PIBF1: variants seen among roughly 807,000 people sequenced by gnomAD.
PIBF1 encodes progesterone immunomodulatory binding factor 1.
A neutral mutation model predicts 112.5 loss-of-function variants in PIBF1; 90 were observed. The ratio of observed to expected loss-of-function variants is 0.80; its 90% CI spans 0.67 to 0.95. The LOEUF is 0.95. PIBF1 is among the 40% of genes least tolerant of loss of function. The pLI, the probability that PIBF1 is intolerant of heterozygous loss-of-function variation, is 0.00. For missense variants in PIBF1, 915 were observed against 852.3 expected, an observed-to-expected ratio of 1.07 and a Z score of -0.92; for synonymous variants, 301 against 288.6, an observed-to-expected ratio of 1.04 and a Z score of -0.44.
chr13:72,940,112 A>G (rs542757151), intron 14 of PIBF1, among the ~76,000 whole-genome samples: 2 of 152,092 alleles, frequency 1.3e-5, no homozygotes, highest in African/African-American at 2.4e-5. Flanking sequence ...AAATACTTCA[A>G]TCCTCTCACC....
At chr13:72,844,789 A>ACACACACACGCACG (rs1555296221) in intron 9 of PIBF1, among the ~76,000 whole-genome samples, 1 of 119,562 alleles carries the variant, frequency 8.4e-6, no homozygotes, top group African/African-American at 3.8e-5. Context: ...ACACACACAC[A>ACACACACACGCACG]CACACACACA....
At chr13:72,783,834 T>G in intron 2 of PIBF1, 113 bp downstream of exon 2, 1 of 1,032,580 alleles carries the variant, frequency 9.7e-7, no homozygotes, top group Non-Finnish European at 1.4e-6. Flanking sequence ...TTTATATTTC[T>G]TGACAAGTAC....
intron 16 of PIBF1, among the ~76,000 whole-genome samples, chr13:72,979,099 G>C (rs1416539408): frequency 6.6e-6 from 1 of 152,136 alleles, no homozygotes; most frequent in South Asian, 2.1e-4. Context: ...GGAAGTCGAA[G>C]CAGAAAGATA....
chr13:72,939,344 C>G (rs1336236162), intron 14 of PIBF1, among the ~76,000 whole-genome samples: 3 of 152,090 alleles, frequency 2.0e-5, no homozygotes, highest in African/African-American at 4.8e-5. Context: ...GTTCATCACC[C>G]CAGAATAAAA....
intron 11 of PIBF1, among the ~76,000 whole-genome samples, chr13:72,894,332 T>C (rs1283001835): frequency 6.6e-6 from 1 of 152,050 alleles, no homozygotes; most frequent in East Asian, 1.9e-4. Flanking sequence ...TAATATGATA[T>C]GTTTCTATCT....
intron 5 of PIBF1, among the ~76,000 whole-genome samples, chr13:72,819,582 C>G: frequency 6.6e-6 from 1 of 152,082 alleles, no homozygotes; most frequent in East Asian, 1.9e-4. Flanking sequence ...AGTCCTCACT[C>G]TACTACTTAC....
intron 2 of PIBF1, among the ~76,000 whole-genome samples, chr13:72,787,352 G>T: frequency 6.6e-6 from 1 of 152,138 alleles, no homozygotes; most frequent in East Asian, 1.9e-4. Flanking sequence ...TGTTTCTTGT[G>T]AGCAGTGATT....
intron 8 of PIBF1, 68 bp from the exon 9 acceptor site, chr13:72,835,175 T>TG: frequency 8.5e-7 from 1 of 1,178,652 alleles, no homozygotes; most frequent in Non-Finnish European, 1.2e-6. Context: ...ATTAAAATCT[T>TG]ACGTACAGTG....
chr13:72,871,532 C>T (rs1365317348), intron 10 of PIBF1, among the ~76,000 whole-genome samples: 3 of 152,144 alleles, frequency 2.0e-5, no homozygotes, highest in Non-Finnish European at 4.4e-5. Flanking sequence ...TCTTGAACTC[C>T]TGACCTTGTG....
intron 5 of PIBF1, among the ~76,000 whole-genome samples, chr13:72,816,704 A>G (rs1327563533): frequency 6.6e-6 from 1 of 152,048 alleles, no homozygotes; most frequent in Non-Finnish European, 1.5e-5. Context: ...TTTAAAAAAA[A>G]AAAAGCCTTA....
intron 2 of PIBF1, among the ~76,000 whole-genome samples, chr13:72,791,913 C>T (rs762608427): frequency 6.6e-6 from 1 of 151,866 alleles, no homozygotes; most frequent in Non-Finnish European, 1.5e-5. Flanking sequence ...GGATTACAGG[C>T]GTGAGCCACC....
chr13:72,858,345 C>G (rs2038538660), intron 10 of PIBF1, among the ~76,000 whole-genome samples: 1 of 152,190 alleles, frequency 6.6e-6, no homozygotes, highest in Non-Finnish European at 1.5e-5. Context: ...AGCCACTACG[C>G]CCAGCCATAC....
chr13:72,891,417 A>G (rs1185269324), intron 10 of PIBF1, among the ~76,000 whole-genome samples: 1 of 152,146 alleles, frequency 6.6e-6, no homozygotes, highest in Non-Finnish European at 1.5e-5. Flanking sequence ...TAATTCATTT[A>G]TATTTATAAA....
intron 5 of PIBF1, among the ~76,000 whole-genome samples, chr13:72,802,537 TAAAG>T (rs1161319144): frequency 6.6e-6 from 1 of 152,088 alleles, no homozygotes; most frequent in Non-Finnish European, 1.5e-5. Context: ...TGGAGGATGT[TAAAG>T]AAAGATAGGA....
rs201889472 is a variant in PIBF1 at position 72,898,695 on chromosome 13, A to AT, written c.1488+4746_1488+4747insT. ...ATACTAAAAATGCAAAAAAAAAAAA[A>AT]AAATAAAGCCGGGCATGTGGCTCAT... On this transcript the variant is annotated intron_variant, in intron 11 of 17. Transcript: ENST00000326291. Among the ~76,000 whole-genome samples, 421 of 145,940 alleles carry AT rather than the reference A, an allele frequency of 2.9e-3. 2 individuals carry two copies. Among genetic ancestry groups the AT allele is most frequent in the South Asian group, 3.6e-3 (17 of 4,712 alleles).
chr13:72,889,709 G>T (rs984862925), intron 10 of PIBF1, among the ~76,000 whole-genome samples: 3 of 152,090 alleles, frequency 2.0e-5, no homozygotes, highest in African/African-American at 7.2e-5. Context: ...ACAGATAAAT[G>T]CTTTGCCTCA....
At chr13:72,803,980 T>A (rs1042083270) in intron 5 of PIBF1, among the ~76,000 whole-genome samples, 1 of 152,214 alleles carries the variant, frequency 6.6e-6, no homozygotes, top group African/African-American at 2.4e-5. Flanking sequence ...TGGAATGTTC[T>A]TATCTGAGTG....
intron 17 of PIBF1, among the ~76,000 whole-genome samples, chr13:73,001,857 C>T (rs2043881403): frequency 6.6e-6 from 1 of 152,000 alleles, no homozygotes; most frequent in Non-Finnish European, 1.5e-5. Context: ...CTCCTGACCT[C>T]GTGATCTGCC....
chr13:72,933,533 A>C (rs958011535), intron 14 of PIBF1, among the ~76,000 whole-genome samples: 1 of 152,230 alleles, frequency 6.6e-6, no homozygotes, highest in Non-Finnish European at 1.5e-5. Context: ...ATGATGGCAC[A>C]TGCCTGTAAT....
Sources: gnomAD v4.1 joint callset for allele counts (sites outside exome capture counted in the v4.1 genomes callset) on GRCh38, gnomAD v4.1.1 for gene constraint, MANE v1.5 for transcripts, NCBI Gene and HGNC (gene_info 2026-07-23, HGNC 2026-07-21) for gene names.